The following WDFY1 variants were observed in gnomAD, a reference collection of about 807,000 sequenced individuals.
WDFY1 encodes the protein WD repeat and FYVE domain-containing protein 1.
WDFY1 carries 32 observed loss-of-function variants against 56.4 expected under a neutral mutation model. That is an observed-to-expected ratio of 0.57 (90% CI 0.43 to 0.76). WDFY1 has a LOEUF of 0.76. Among genes scored for constraint, WDFY1 ranks in the 30% least tolerant of loss-of-function variants. The pLI is 0.00. For synonymous variants in WDFY1, 192 were observed against 197.3 expected (o/e 0.97, Z 0.23); for missense variants, 480 against 545.7 (o/e 0.88, Z 1.20).
chr2:223,901,316 A>G lies in WDFY1; in HGVS notation c.352T>C (p.Ser118Pro). Residue 118 changes from serine (S) to proline (P), a missense_variant, in exon 5 of 12, where the codon TCT (serine) becomes CCT (proline). Ser to Pro is a moderately conservative substitution (Grantham distance 74). Coordinates refer to ENST00000233055, the MANE Select transcript of WDFY1 (RefSeq NM_020830.5). ...KTYPAHQNRVSAIIFSLATEW... is the reference protein window; with the variant it reads ...KTYPAHQNRVPAIIFSLATEW... The stretch of plus-strand genomic sequence containing the variant: ...GTGGCCAAGCTGAAGATAATCGCAG[A>G]CACCCGGTTCTGATGAGCTGCAGGA... 1 of 1,614,156 alleles carries G rather than the reference A, an allele frequency of 6.2e-7. No homozygotes were observed. The highest frequency in any genetic ancestry group is 8.5e-7 in the Non-Finnish European group (1 of 1,180,010).
intron 1 of WDFY1, among the ~76,000 whole-genome samples, chr2:223,933,825 G>GT (rs1694121879): frequency 2.0e-5 from 3 of 151,044 alleles, no homozygotes; most frequent in South Asian, 2.1e-4. Context: ...TTAGCAAGGA[G>GT]TGGTGGTACA....
At chr2:223,880,336 G>A (rs1277263945) in intron 10 of WDFY1, 104 bp from the exon 11 acceptor site, 1 of 974,438 alleles carries the variant, frequency 1.0e-6, no homozygotes, top group Non-Finnish European at 1.6e-6. Context: ...GCCAGGTGCA[G>A]TGGCTCATGT....
chr2:223,905,995 G>C lies in WDFY1; in HGVS notation c.286C>G (p.His96Asp). The C allele has an allele frequency of 2.5e-6, 4 of 1,573,570 alleles. No individual in the cohort carries two copies. The highest frequency in any genetic ancestry group is 3.4e-6 in the Non-Finnish European group (4 of 1,162,776). ...ATTTTATTAAAATCTTCAGAAACGT[G>C]AAATTCCTAAAAGCAAATGCACAAA... is the stretch of plus-strand genomic sequence containing the variant. The part of the protein sequence containing the change: ...GQDNGAVMEF[H>D]VSEDFNKMNF... The change falls in exon 4 of 12, where the codon CAC (histidine) becomes GAC (aspartate). Residue 96 changes from histidine to aspartate, a missense_variant. Transcript: ENST00000233055.
chr2:223,884,626 T>A (rs116225370), intron 9 of WDFY1, 22 bp downstream of exon 9: 95 of 1,608,752 alleles, frequency 5.9e-5, no homozygotes, highest in Middle Eastern at 4.9e-4. Flanking sequence ...AAGCCAGAGA[T>A]GACTCGACAG....
At chr2:223,884,567 G>T in intron 9 of WDFY1, 81 bp downstream of exon 9, 1 of 1,354,282 alleles carries the variant, frequency 7.4e-7, no homozygotes, top group Non-Finnish European at 1.1e-6. Context: ...AACAAAGTGT[G>T]TTTCAAAAAA....
At position 223,876,421 on chromosome 2, in the gene WDFY1, T is replaced by C. The variant is rs1177869649; in HGVS notation, c.*2250A>G. On this transcript the variant is annotated 3_prime_UTR_variant, in exon 12 of 12. Transcript: ENST00000233055. ...CACTTCTATAAAAATATCACCCCAT[T>C]TGCTACCTAGCATATGAGAGAGACA... The C allele has an allele frequency of 2.6e-5, 4 of 152,548 alleles. No individual in the cohort carries two copies. Among genetic ancestry groups the C allele is most frequent in the Non-Finnish European group, 4.4e-5 (3 of 68,004 alleles). 9.4% of individuals were successfully genotyped at this position (152,548 alleles called of 1,614,324 possible).
In WDFY1 at chr2:223,897,382, A is replaced by ATTTT. The variant is rs1418724112; in HGVS notation, c.598+1575_598+1576insAAAA. ...TATATATATATATATATATATATAT[A>ATTTT]TATATATATTTTTTAAGACGGAGTC... is the stretch of plus-strand genomic sequence containing the variant. On this transcript the variant is annotated intron_variant, in intron 6 of 11. Transcript: ENST00000233055. Among the ~76,000 whole-genome samples, 149 of 106,354 alleles carry ATTTT rather than the reference A, an allele frequency of 1.4e-3. 6 individuals carry two copies. Among genetic ancestry groups the ATTTT allele is most frequent in the Non-Finnish European group, 1.4e-3 (81 of 58,048 alleles). 69.8% of individuals were successfully genotyped at this position (106,354 alleles called of 152,430 possible).
chr2:223,917,120 G>A (rs1330635105), intron 2 of WDFY1, among the ~76,000 whole-genome samples: 2 of 152,102 alleles, frequency 1.3e-5, no homozygotes, highest in Admixed American at 6.6e-5. Flanking sequence ...GGCCTCCAGG[G>A]CTGCTTTGAA....
chr2:223,912,502 T>G (rs1263747553), intron 2 of WDFY1, among the ~76,000 whole-genome samples, 176 bp from the exon 3 acceptor site: 1 of 152,238 alleles, frequency 6.6e-6, no homozygotes, highest in African/African-American at 2.4e-5. Context: ...CTCTGTTGTC[T>G]TAGTTTAAAA....
rs766645296 is a variant in WDFY1 at position 223,906,017 on chromosome 2, C to T, written c.280-16G>A. 1 of 1,532,830 alleles carries T rather than the reference C, an allele frequency of 6.5e-7. No homozygotes were observed. Among genetic ancestry groups the T allele is most frequent in the South Asian group, 1.2e-5 (1 of 80,974 alleles). The allele number at this position is 1,532,830 out of a possible 1,614,324, so 95.0% of individuals were successfully genotyped here. ...CGTGAAATTCCTAAAAGCAAATGCACAAAATAAAAAATTAAAAGAGTTATG... is the reference window on the plus strand; with the variant it reads ...CGTGAAATTCCTAAAAGCAAATGCATAAAATAAAAAATTAAAAGAGTTATG... On this transcript the variant is annotated splice_polypyrimidine_tract_variant and intron_variant, in intron 3 of 11. Coordinates refer to ENST00000233055, the MANE Select transcript of WDFY1 (RefSeq NM_020830.5).
intron 8 of WDFY1, among the ~76,000 whole-genome samples, chr2:223,892,243 T>C (rs1225356728): frequency 1.3e-5 from 2 of 152,236 alleles, no homozygotes; most frequent in South Asian, 2.1e-4. Flanking sequence ...CCCAAAGCGC[T>C]GGGATTACAG....
At chr2:223,944,631 C>A (rs1158995649) in intron 1 of WDFY1, among the ~76,000 whole-genome samples, 11 of 150,594 alleles carry the variant, frequency 7.3e-5, no homozygotes, top group Non-Finnish European at 1.3e-4. Flanking sequence ...GCTGGAGGGG[C>A]GCAGTGGGAC....
intron 1 of WDFY1, among the ~76,000 whole-genome samples, chr2:223,933,214 C>G (rs1694110353): frequency 6.6e-6 from 1 of 152,044 alleles, no homozygotes; most frequent in South Asian, 2.1e-4. Flanking sequence ...GGTCTGTGAC[C>G]AAGAATTAGA....
intron 8 of WDFY1, among the ~76,000 whole-genome samples, chr2:223,892,857 T>A (rs901863255): frequency 5.3e-5 from 8 of 152,266 alleles, no homozygotes; most frequent in Non-Finnish European, 8.8e-5. Context: ...AAGCCATTTA[T>A]TAAATACATT....
Position 223,895,767 on chromosome 2 carries a change from GGT to G in WDFY1, c.599-139_599-138del, listed in dbSNP as rs553406502. The G allele has an allele frequency of 1.5e-4, 176 of 1,177,194 alleles. No homozygotes were observed. In the African/African-American group the frequency reaches 2.5e-3, roughly 17 times the overall value. 72.9% of individuals were successfully genotyped at this position (1,177,194 alleles called of 1,614,324 possible). ...TCTTTAAGCAAAAAGGTATCTTCATGGTGTACAACGGGTCATTCAACCATGCT... is the reference window on the plus strand; with the variant it reads ...TCTTTAAGCAAAAAGGTATCTTCATGGTACAACGGGTCATTCAACCATGCT... On this transcript the variant is annotated intron_variant, in intron 6 of 11. Coordinates refer to ENST00000233055, the MANE Select transcript of WDFY1 (RefSeq NM_020830.5).
chr2:223,894,446 T>A, intron 7 of WDFY1, 107 bp from the exon 8 acceptor site: 5 of 1,039,532 alleles, frequency 4.8e-6, no homozygotes, highest in Non-Finnish European at 7.3e-6. Context: ...CAAGTGGTAT[T>A]TTACCACTGA....
At position 223,882,025 on chromosome 2, in the gene WDFY1, G is replaced by C. The variant is rs1693081758; in HGVS notation, c.981C>G (p.Ser327Arg). The C allele has an allele frequency of 3.1e-6, 5 of 1,614,088 alleles. No homozygotes were observed. The highest frequency in any genetic ancestry group is 3.4e-6 in the Non-Finnish European group (4 of 1,179,954). Reference protein sequence around the residue: ...CGQAVCGKCSSKRSSYPVMGF... With the variant: ...CGQAVCGKCSRKRSSYPVMGF... ...CCATGACTGGGTAACTTGAGCGCTT[G>C]CTGCTGCACTTCCCGCAGACAGCCT... The change falls in exon 10 of 12, where the codon AGC (serine) becomes AGG (arginine). Residue 327 changes from serine (S) to arginine (R), a missense_variant. By Grantham distance (110) the Ser-to-Arg change is moderately radical. Transcript: ENST00000233055.
chr2:223,929,477 C>T (rs760720644), intron 1 of WDFY1, among the ~76,000 whole-genome samples: 7 of 152,060 alleles, frequency 4.6e-5, no homozygotes, highest in African/African-American at 1.7e-4. Context: ...CATGAGCCAC[C>T]GTGCCCAGCC....
At chr2:223,894,478 A>ATC in intron 7 of WDFY1, 139 bp from the exon 8 acceptor site, 1 of 755,054 alleles carries the variant, frequency 1.3e-6, no homozygotes. Context: ...GGTAAAATGA[A>ATC]TTCTAGTATA....
Sources: allele counts gnomAD v4.1 joint callset (sites outside exome capture counted in the v4.1 genomes callset), GRCh38; gene constraint gnomAD v4.1.1; transcripts MANE v1.5; gene names NCBI Gene and HGNC (gene_info 2026-07-23, HGNC 2026-07-21).